PRPF3: variants seen among roughly 807,000 people sequenced by gnomAD.
PRPF3 encodes U4/U6 small nuclear ribonucleoprotein Prp3.
A neutral mutation model predicts 89.2 loss-of-function variants in PRPF3; 3 were observed. The observed-to-expected ratio is 0.03, with a 90% CI of 0.02 to 0.09. The LOEUF is 0.09. PRPF3 is among the 10% of genes least tolerant of loss of function. The pLI is 1.00. For synonymous variants in PRPF3, 270 were observed against 289.1 expected (o/e 0.93, Z 0.67); for missense variants, 463 against 828.8 (o/e 0.56, Z 5.42).
At chr1:150,341,105 CAAAAAAAAAAAAA>C (rs71086503) in intron 9 of PRPF3, among the ~76,000 whole-genome samples, 2 of 86,738 alleles carry the variant, frequency 2.3e-5, no homozygotes, top group South Asian at 4.2e-4. Flanking sequence ...GACCTTGTCT[CAAAAAAAAAAAAA>C]AAAAAAAAAG....
intron 8 of PRPF3, 62 bp downstream of exon 8, chr1:150,338,388 A>G (rs1553868857): frequency 2.0e-6 from 3 of 1,489,458 alleles, no homozygotes; most frequent in Non-Finnish European, 2.8e-6. Context: ...TTAAGACTCA[A>G]GTTAATACCT....
intron 7 of PRPF3, among the ~76,000 whole-genome samples, chr1:150,335,592 A>G (rs1296820226): frequency 6.6e-6 from 1 of 151,964 alleles, no homozygotes; most frequent in Non-Finnish European, 1.5e-5. Flanking sequence ...CAGCCTCCCG[A>G]GTAGCTGGGA....
At position 150,353,221 on chromosome 1, in the gene PRPF3, C is replaced by T. The variant is rs1013711074; in HGVS notation, c.*242C>T. 5.7e-6 allele frequency: 3 copies of T among 524,476 alleles called. No individual in the cohort carries two copies. Among genetic ancestry groups the T allele is most frequent in the South Asian group, 2.1e-5 (1 of 48,534 alleles). The allele number at this position is 524,476 out of a possible 1,614,324, so 32.5% of individuals were successfully genotyped here. A position where few individuals can be genotyped will look rare whatever the true frequency, so the allele number is the denominator to read the frequency against. ...CTTGGTGTGATATTTTTCACACATTCGTAAGTATTAGAGTTTGGGTCTACA... is the reference window on the plus strand; with the variant it reads ...CTTGGTGTGATATTTTTCACACATTTGTAAGTATTAGAGTTTGGGTCTACA... On this transcript the variant is annotated 3_prime_UTR_variant, in exon 16 of 16. Transcript: ENST00000324862.
chr1:150,322,631 C>T (rs1441187211), intron 1 of PRPF3, among the ~76,000 whole-genome samples: 7 of 152,198 alleles, frequency 4.6e-5, no homozygotes, highest in Non-Finnish European at 1.0e-4. Context: ...AGTTTCATCA[C>T]TTCAATCTAC....
chr1:150,329,685 G>C (rs1238805571), intron 4 of PRPF3: 1 of 152,062 alleles, frequency 6.6e-6, no homozygotes. Context: ...ATATTTGAGG[G>C]GGGTAATAGA....
chr1:150,347,108 A>C (rs1304804738), intron 14 of PRPF3, among the ~76,000 whole-genome samples: 1 of 152,004 alleles, frequency 6.6e-6, no homozygotes, highest in Non-Finnish European at 1.5e-5. Context: ...AAGAAAAAGC[A>C]AATCTAGTAA....
chr1:150,339,837 G>T lies in PRPF3; in HGVS notation c.1203-561G>T, dbSNP rs372796604. Reference sequence around the variant, plus strand: ...CTCCTGGGTTGAAGCAGTTCTTCTAGCTCAGCCTCATAAGTATCCGGGACT... The same window carrying T: ...CTCCTGGGTTGAAGCAGTTCTTCTATCTCAGCCTCATAAGTATCCGGGACT... On this transcript the variant is annotated intron_variant, in intron 8 of 15. Coordinates refer to ENST00000324862, the MANE Select transcript of PRPF3 (RefSeq NM_004698.4). Among the ~76,000 whole-genome samples, 43 of 146,386 alleles carry T rather than the reference G, an allele frequency of 2.9e-4. No homozygotes were observed. The South Asian group carries it at 8.6e-3, about 29-fold the overall frequency.
chr1:150,352,005 A>AC (rs1658978958), intron 15 of PRPF3, among the ~76,000 whole-genome samples: 1 of 152,072 alleles, frequency 6.6e-6, no homozygotes, highest in Non-Finnish European at 1.5e-5. Flanking sequence ...TACTCCCTGA[A>AC]CGCCTCTTGA....
intron 15 of PRPF3, among the ~76,000 whole-genome samples, chr1:150,352,534 G>A (rs997035032): frequency 2.0e-5 from 3 of 152,130 alleles, no homozygotes; most frequent in African/African-American, 7.2e-5. Context: ...GCGTGGTAGC[G>A]GGCGCCTGTA....
In PRPF3 at chr1:150,348,460, A is replaced by ATTTTTTTTTTTTTTTTTTTTTTT; in HGVS notation, c.1844-678_1844-677insTTTTTTTTTTTTTTTTTTTTTTT. On this transcript the variant is annotated intron_variant, in intron 14 of 15. Transcript: ENST00000324862. ...AAAAAATATTTTGTTCTACACGTGCATTTTTTTTTTTTTTTTTTTGAGATG... is the reference window on the plus strand; with the variant it reads ...AAAAAATATTTTGTTCTACACGTGCATTTTTTTTTTTTTTTTTTTTTTTTTTTTTTTTTTTTTTTTTTGAGATG... Among the ~76,000 whole-genome samples the ATTTTTTTTTTTTTTTTTTTTTTT allele has an allele frequency of 6.7e-3, 324 of 48,450 alleles. 109 individuals are homozygous for ATTTTTTTTTTTTTTTTTTTTTTT. The highest frequency in any genetic ancestry group is 0.011 in the African/African-American group (128 of 11,214). 31.8% of individuals were successfully genotyped at this position (48,450 alleles called of 152,430 possible). A position where few individuals can be genotyped will look rare whatever the true frequency, so the allele number is the denominator to read the frequency against.
chr1:150,348,312 G>T (rs1177010324), intron 14 of PRPF3, among the ~76,000 whole-genome samples: 8 of 151,692 alleles, frequency 5.3e-5, no homozygotes, highest in African/African-American at 1.9e-4. Flanking sequence ...CCCAGGAAGC[G>T]GTTGCAGTGA....
intron 3 of PRPF3, among the ~76,000 whole-genome samples, chr1:150,326,577 C>G (rs1344322100): frequency 3.3e-5 from 5 of 151,982 alleles, no homozygotes; most frequent in African/African-American, 1.2e-4. Flanking sequence ...TGACTCCTAT[C>G]AAACCTTCCA....
At chr1:150,347,294 ATACACACATG>A (rs1386568602) in intron 14 of PRPF3, among the ~76,000 whole-genome samples, 1 of 151,938 alleles carries the variant, frequency 6.6e-6, no homozygotes, top group Non-Finnish European at 1.5e-5. Context: ...ACACACATAC[ATACACACATG>A]TACACACACA....
At chr1:150,324,044 G>A (rs1425909023) in intron 1 of PRPF3, among the ~76,000 whole-genome samples, 1 of 152,100 alleles carries the variant, frequency 6.6e-6, no homozygotes, top group Non-Finnish European at 1.5e-5. Flanking sequence ...CTCCCAAAGT[G>A]CTGGGATTAC....
At chr1:150,333,581 T>C (rs1656654322) in intron 6 of PRPF3, among the ~76,000 whole-genome samples, 3 of 152,004 alleles carry the variant, frequency 2.0e-5, no homozygotes, top group African/African-American at 7.2e-5. Flanking sequence ...AAACAAAATA[T>C]TACTGATCCT....
At position 150,338,196 on chromosome 1, in the gene PRPF3, G is replaced by A; in HGVS notation, c.1072G>A (p.Ala358Thr). The change falls in exon 8 of 16, where the codon GCA (alanine) becomes ACA (threonine). Residue 358 changes from alanine (A) to threonine (T), a missense_variant. Around this residue, in one of 8 missense-constraint regions of PRPF3, gnomAD observed 261 missense variants for 475.8 expected, o/e 0.55. Coordinates refer to ENST00000324862, the MANE Select transcript of PRPF3 (RefSeq NM_004698.4). ...LEKLQAEISQAARKTGIHTST... is the reference protein window; with the variant it reads ...LEKLQAEISQTARKTGIHTST... ...GAAGCTACAGGCAGAGATTTCACAA[G>A]CAGCTCGAAAAACAGGCATCCATAC... 1 of 1,614,056 alleles carries A rather than the reference G, an allele frequency of 6.2e-7. No individual in the cohort carries two copies. Among genetic ancestry groups the A allele is most frequent in the Non-Finnish European group, 8.5e-7 (1 of 1,180,014 alleles).
chr1:150,346,290 G>T, intron 13 of PRPF3, 118 bp from the exon 14 acceptor site: 1 of 1,241,326 alleles, frequency 8.1e-7, no homozygotes, highest in Middle Eastern at 1.9e-4. Flanking sequence ...GGAGTAGAAG[G>T]CCCTAAGATG....
At chr1:150,322,226 C>G (rs1655128185) in intron 1 of PRPF3, among the ~76,000 whole-genome samples, 2 of 152,106 alleles carry the variant, frequency 1.3e-5, no homozygotes, top group African/African-American at 4.8e-5. Flanking sequence ...AATATAAGAC[C>G]CGTTAAGGTG....
chr1:150,352,699 C>T (rs1230519334), intron 15 of PRPF3, 134 bp from the exon 16 acceptor site: 1 of 979,682 alleles, frequency 1.0e-6, no homozygotes, highest in Admixed American at 2.3e-5. Flanking sequence ...ATGGAGGTCA[C>T]AATTTTTTTT....
Sources: gnomAD v4.1 joint callset for allele counts (sites outside exome capture counted in the v4.1 genomes callset) on GRCh38, gnomAD v4.1.1 for gene constraint, gnomAD v4.1.1 regional missense constraint, MANE v1.5 for transcripts, NCBI Gene and HGNC (gene_info 2026-07-23, HGNC 2026-07-21) for gene names.